IRAG2: variants seen among roughly 807,000 people sequenced by gnomAD.
IRAG2 encodes the protein inositol 1,4,5-triphosphate receptor associated 2, also known as lymphoid restricted membrane protein.
A neutral mutation model predicts 69.9 loss-of-function variants in IRAG2; 45 were observed. The observed-to-expected ratio is 0.64, with a 90% CI of 0.51 to 0.83. The LOEUF is 0.83. Ranked by LOEUF, IRAG2 falls within the 40% of genes least tolerant of loss-of-function variation. IRAG2 has a pLI of 0.00. For missense variants in IRAG2, 520 were observed against 587.0 expected (o/e 0.89, Z 1.18); for synonymous variants, 193 against 202.4 (o/e 0.95, Z 0.40).
At chr12:25,095,222 T>C (rs1759590544) in intron 14 of IRAG2, among the ~76,000 whole-genome samples, 1 of 152,142 alleles carries the variant, frequency 6.6e-6, no homozygotes, top group Non-Finnish European at 1.5e-5. Context: ...TATATAACTT[T>C]TATTAGGTTA....
intron 1 of IRAG2, among the ~76,000 whole-genome samples, chr12:25,060,209 GT>G (rs1945529028): frequency 6.6e-6 from 1 of 150,814 alleles, no homozygotes; most frequent in African/African-American, 2.4e-5. Flanking sequence ...GGTTTGCCAC[GT>G]GAATAAAGGG....
intron 14 of IRAG2, 113 bp downstream of exon 14, chr12:25,090,310 G>T: frequency 1.1e-6 from 1 of 950,458 alleles, no homozygotes; most frequent in Non-Finnish European, 1.6e-6. Flanking sequence ...GGGAGACCAA[G>T]GCAGGAGGAT....
intron 5 of IRAG2, 78 bp downstream of exon 5, chr12:25,066,590 G>A (rs1258886943): frequency 2.3e-5 from 9 of 393,236 alleles, no homozygotes; most frequent in African/African-American, 4.1e-5. Context: ...TAATTGGTCA[G>A]ATTTTCATAA....
chr12:25,105,514 G>C (rs1949018617), intron 20 of IRAG2, among the ~76,000 whole-genome samples: 1 of 152,158 alleles, frequency 6.6e-6, no homozygotes. Flanking sequence ...AGATGAGCAT[G>C]ACATGGTGCA....
Position 25,040,507 on chromosome 12 carries a change from T to TA in IRAG2, c.2144+2379dup, listed in dbSNP as rs1042732011. ...TGAGACAGAGCAAGACACTGCCTCT[T>TA]AAAAAAAAAGAGAGAGAGAGAGAGA... On this transcript the variant is annotated intron_variant, in intron 16 of 38. Transcript: ENST00000636465. Among the ~76,000 whole-genome samples the TA allele has an allele frequency of 1.2e-4, 17 of 147,718 alleles. No homozygotes were observed. In the South Asian group the frequency reaches 1.3e-3, roughly 11 times the overall value.
intron 8 of IRAG2, among the ~76,000 whole-genome samples, chr12:25,025,804 T>A (rs11610164): frequency 0.022 from 3,304 of 152,282 alleles, 41 homozygotes; most frequent in East Asian, 0.068. Context: ...TGTTTTCAGG[T>A]AAGAAGGAAA....
intron 2 of IRAG2, among the ~76,000 whole-genome samples, chr12:25,007,862 T>C (rs536326536): frequency 3.0e-4 from 46 of 152,352 alleles, no homozygotes; most frequent in African/African-American, 8.2e-4. Context: ...TGAAATTTGG[T>C]GATTGTGTAT....
chr12:25,053,768 T>G (rs1319740791), intron 1 of IRAG2, among the ~76,000 whole-genome samples: 1 of 150,380 alleles, frequency 6.6e-6, no homozygotes. Flanking sequence ...TAAACATTGT[T>G]TATTTGTTAA....
chr12:25,047,107 G>A (rs548329717), intron 16 of IRAG2, among the ~76,000 whole-genome samples: 1 of 152,094 alleles, frequency 6.6e-6, no homozygotes, highest in South Asian at 2.1e-4. Context: ...AATGGTGCAG[G>A]GATAACTGGA....
chr12:25,077,003 GTA>G (rs2140076895), intron 6 of IRAG2, among the ~76,000 whole-genome samples: 1 of 150,774 alleles, frequency 6.6e-6, no homozygotes, highest in East Asian at 2.0e-4. Context: ...ACCCTCCCAA[GTA>G]GCTGCAATCG....
At position 25,052,860 on chromosome 12, in the gene IRAG2, G is replaced by A; in HGVS notation, c.-543G>A. 1 of 398,564 alleles carries A rather than the reference G, an allele frequency of 2.5e-6. No homozygotes were observed. The highest frequency in any genetic ancestry group is 1.3e-4 in the South Asian group (1 of 7,856). The allele number at this position is 398,564 out of a possible 1,614,324, so 24.7% of individuals were successfully genotyped here. A position where few individuals can be genotyped will look rare whatever the true frequency, so the allele number is the denominator to read the frequency against. ...AGCTACGTCTTTACTGCATAAATTA[G>A]AGGAAGCAATTTCGGAACAACGGAA... On this transcript the variant is annotated 5_prime_UTR_variant, in exon 1 of 22. An upstream open reading frame in the 5' UTR loses its in-frame stop. Coordinates refer to ENST00000556887, the MANE Select transcript of IRAG2 (RefSeq NM_001366544.2).
exon 6 of IRAG2, chr12:25,017,268 C>A (rs939017304): frequency 8.1e-7 from 1 of 1,232,084 alleles, no homozygotes; most frequent in Admixed American, 4.2e-5. Context: ...GAGGACTGTA[C>A]CGAATTGCGC....
rs71450464 is a variant in IRAG2 at position 25,011,246 on chromosome 12, G to A, written c.689-98G>A. 264 of 833,538 alleles carry A rather than the reference G, an allele frequency of 3.2e-4. No individual in the cohort carries two copies. The South Asian group carries it at 4.7e-3, about 15-fold the overall frequency. 51.6% of individuals were successfully genotyped at this position (833,538 alleles called of 1,614,324 possible). A position where few individuals can be genotyped will look rare whatever the true frequency, so the allele number is the denominator to read the frequency against. On this transcript the variant is annotated intron_variant, in intron 2 of 38. Coordinates refer to the IRAG2 transcript ENST00000636465. ...CTTTACAATATACCATGCCAGCTCCGCAGGACTGCCAGGGTTATATATCAT... is the reference window on the plus strand; with the variant it reads ...CTTTACAATATACCATGCCAGCTCCACAGGACTGCCAGGGTTATATATCAT...
chr12:25,003,127 G>A (rs1312741487), upstream of IRAG2, among the ~76,000 whole-genome samples: 1 of 151,956 alleles, frequency 6.6e-6, no homozygotes, highest in Admixed American at 6.6e-5. Flanking sequence ...CTTCTTCCCA[G>A]TAATTCTAGA....
upstream of IRAG2, chr12:25,004,285 A>G (rs138738356): frequency 1.7e-3 from 1,888 of 1,117,524 alleles, 2 homozygotes; most frequent in Non-Finnish European, 2.0e-3. Flanking sequence ...TTAAACATGT[A>G]TCTACTTTTG....
intron 7 of IRAG2, among the ~76,000 whole-genome samples, chr12:25,021,920 G>C (rs1944584260): frequency 6.6e-6 from 1 of 152,252 alleles, no homozygotes; most frequent in South Asian, 2.1e-4. Context: ...AGTCTATATG[G>C]ATGCATTATA....
chr12:25,002,614 C>T (rs1475707604), upstream of IRAG2, among the ~76,000 whole-genome samples: 2 of 151,324 alleles, frequency 1.3e-5, no homozygotes, highest in Non-Finnish European at 2.9e-5. Flanking sequence ...TTAGACTTCA[C>T]GTTGAGAGAT....
intron 5 of IRAG2, 141 bp downstream of exon 5, chr12:25,066,653 ATTTC>A (rs1472290073): frequency 3.6e-5 from 14 of 387,032 alleles, no homozygotes; most frequent in East Asian, 2.2e-4. Context: ...AAAATTTACA[ATTTC>A]TTTCTTTCTT....
At chr12:25,058,089 T>G (rs565028649) in intron 1 of IRAG2, among the ~76,000 whole-genome samples, 1 of 152,326 alleles carries the variant, frequency 6.6e-6, no homozygotes, top group Admixed American at 6.5e-5. Context: ...ACATATGTTT[T>G]TATTTCACCT....
Sources: gnomAD v4.1 joint callset for allele counts (sites outside exome capture counted in the v4.1 genomes callset) on GRCh38, gnomAD v4.1.1 for gene constraint, MANE v1.5 for transcripts, NCBI Gene and HGNC (gene_info 2026-07-23, HGNC 2026-07-21) for gene names.